FXR1: variants seen among roughly 807,000 people sequenced by gnomAD.
FXR1 encodes the protein RNA-binding protein FXR1.
Under a neutral mutation model 84.0 loss-of-function variants are expected in FXR1, and 15 were observed. The ratio of observed to expected loss-of-function variants is 0.18; its 90% confidence interval spans 0.12 to 0.27. FXR1 has a LOEUF of 0.27. Ranked by LOEUF, FXR1 falls within the 10% of genes least tolerant of loss-of-function variation. The pLI, the probability that FXR1 is intolerant of heterozygous loss-of-function variation, is 1.00. For synonymous variants in FXR1, 245 were observed against 250.7 expected (o/e 0.98, Z 0.21); for missense variants, 480 against 774.4 (o/e 0.62, Z 4.51).
At position 180,970,070 on chromosome 3, in the gene FXR1, T is replaced by A. The variant is rs556792426; in HGVS notation, c.1403-88T>A. ...TTTTATTGGGGGAGACTGAAGTTTA[T>A]TTGTCATTGATATAGTTCAATATAG... is the stretch of plus-strand genomic sequence containing the variant. On this transcript the variant is annotated intron_variant, in intron 14 of 16. Transcript: ENST00000357559. 67 of 620,586 alleles carry A rather than the reference T, an allele frequency of 1.1e-4. No homozygotes were observed. The South Asian group carries it at 1.3e-3, about 12-fold the overall frequency. The allele number at this position is 620,586 out of a possible 1,614,324, so 38.4% of individuals were successfully genotyped here.
chr3:180,915,649 T>C, intron 1 of FXR1: 1 of 714,230 alleles, frequency 1.4e-6, no homozygotes, highest in Non-Finnish European at 2.5e-6. Flanking sequence ...GAATTTCCCT[T>C]TTTTCCCCTC....
chr3:180,947,121 C>G (rs1721779524), intron 3 of FXR1, among the ~76,000 whole-genome samples: 2 of 152,010 alleles, frequency 1.3e-5, no homozygotes, highest in South Asian at 2.1e-4. Context: ...GGTGTGATCT[C>G]TGCTCACTGC....
Position 180,912,676 on chromosome 3 carries a change from C to T in FXR1, c.-10C>T, listed in dbSNP as rs1260115101. The T allele has an allele frequency of 3.7e-6, 6 of 1,611,936 alleles. No homozygotes were observed. The East Asian group carries it at 1.1e-4, about 30-fold the overall frequency. On this transcript the variant is annotated 5_prime_UTR_variant, in exon 1 of 17. Coordinates refer to ENST00000357559, the MANE Select transcript of FXR1 (RefSeq NM_005087.4). ...TAGAATCTCTTCCCAGCGGCCTTTG[C>T]GGTTCCAACATGGCGGAGCTGACGG... is the stretch of plus-strand genomic sequence containing the variant.
At chr3:180,959,335 A>G (rs1316375376) in intron 10 of FXR1, among the ~76,000 whole-genome samples, 1 of 149,612 alleles carries the variant, frequency 6.7e-6, no homozygotes, top group African/African-American at 2.4e-5. Flanking sequence ...TGAGTTTTTT[A>G]TGAGAATGTT....
intron 10 of FXR1, 32 bp downstream of exon 10, chr3:180,957,960 A>C (rs752094655): frequency 6.0e-6 from 6 of 999,692 alleles, no homozygotes; most frequent in Non-Finnish European, 9.2e-6. Flanking sequence ...TGCCTCTTTA[A>C]AATGTCCTTT....
chr3:180,933,767 A>G (rs977931900), intron 2 of FXR1, among the ~76,000 whole-genome samples: 1 of 152,152 alleles, frequency 6.6e-6, no homozygotes, highest in Admixed American at 6.5e-5. Flanking sequence ...AGGGGTATGC[A>G]GTCTAAAAAT....
In FXR1 at chr3:180,978,071, C is replaced by A. The variant is rs186780056; in HGVS notation, c.*1779C>A. The A allele has an allele frequency of 1.8e-3, 267 of 150,770 alleles. 1 individual carries two copies. Among genetic ancestry groups the A allele is most frequent in the African/African-American group, 6.3e-3 (258 of 41,120 alleles). 9.3% of individuals were successfully genotyped at this position (150,770 alleles called of 1,614,324 possible). A position where few individuals can be genotyped will look rare whatever the true frequency, so the allele number is the denominator to read the frequency against. On this transcript the variant is annotated 3_prime_UTR_variant, in exon 17 of 17. Transcript: ENST00000357559. The stretch of plus-strand genomic sequence containing the variant: ...TACCCACAAATGTGTTTTTTTAAAT[C>A]GATCAAAGCTAGCAACAGGTTAAAT...
chr3:180,917,178 T>C (rs1717999873), intron 1 of FXR1, among the ~76,000 whole-genome samples: 1 of 152,224 alleles, frequency 6.6e-6, no homozygotes, highest in East Asian at 1.9e-4. Flanking sequence ...ACCGTGTAAC[T>C]GTCTACAAAA....
At chr3:180,940,673 T>A (rs1167829283) in intron 3 of FXR1, among the ~76,000 whole-genome samples, 3 of 151,182 alleles carry the variant, frequency 2.0e-5, no homozygotes, top group African/African-American at 7.3e-5. Context: ...GCCTCCTGGG[T>A]TCAAGTGATT....
At chr3:180,972,399 T>A (rs1455536823) in intron 15 of FXR1, among the ~76,000 whole-genome samples, 2 of 152,164 alleles carry the variant, frequency 1.3e-5, no homozygotes, top group African/African-American at 4.8e-5. Flanking sequence ...GAGGCCGCAG[T>A]GAAGGGTGAT....
rs138323510 is a variant in FXR1, at chr3:180,976,441, AG to A, written c.*150del. Reference sequence around the variant, plus strand: ...AATTCAAAAAGGGGAGGGATCCTGAAGAAATCATATGTTAAACATACTTTGA... The same window carrying A: ...AATTCAAAAAGGGGAGGGATCCTGAAAAATCATATGTTAAACATACTTTGA... On this transcript the variant is annotated 3_prime_UTR_variant, in exon 17 of 17. Coordinates refer to ENST00000357559, the MANE Select transcript of FXR1 (RefSeq NM_005087.4). 3.5e-3 allele frequency: 1,948 copies of A among 550,170 alleles called. 38 individuals are homozygous for A. The highest frequency in any genetic ancestry group is 0.034 in the African/African-American group (1,766 of 51,786). The allele number at this position is 550,170 out of a possible 1,614,324, so 34.1% of individuals were successfully genotyped here. A position where few individuals can be genotyped will look rare whatever the true frequency, so the allele number is the denominator to read the frequency against.
At chr3:180,924,782 G>A (rs766964529) in intron 1 of FXR1, among the ~76,000 whole-genome samples, 2 of 152,056 alleles carry the variant, frequency 1.3e-5, no homozygotes, top group Non-Finnish European at 2.9e-5. Context: ...GTGAGCCACC[G>A]TGCCTGGCCT....
At chr3:180,952,828 CTTTTTTTTT>C (rs371547296) in intron 8 of FXR1, among the ~76,000 whole-genome samples, 1 of 121,502 alleles carries the variant, frequency 8.2e-6, no homozygotes, top group Non-Finnish European at 1.8e-5. Context: ...ATTTTATTTG[CTTTTTTTTT>C]TTTTTTTTTT....
At chr3:180,971,568 G>C (rs1713589355) in intron 15 of FXR1, 1 of 152,270 alleles carries the variant, frequency 6.6e-6, no homozygotes, top group Non-Finnish European at 1.5e-5. Flanking sequence ...TCATTTTTGT[G>C]GGAGTTGTAA....
At chr3:180,937,148 A>G (rs1720614694) in intron 3 of FXR1, among the ~76,000 whole-genome samples, 1 of 152,214 alleles carries the variant, frequency 6.6e-6, no homozygotes, top group African/African-American at 2.4e-5. Flanking sequence ...TCATTTTTCA[A>G]AATTTATTTC....
chr3:180,948,170 G>A, intron 4 of FXR1, 177 bp from the exon 5 acceptor site: 1 of 623,526 alleles, frequency 1.6e-6, no homozygotes. Context: ...GTTCATGCTT[G>A]TAAGAACCTA....
At chr3:180,924,105 T>C (rs1393388942) in intron 1 of FXR1, among the ~76,000 whole-genome samples, 1 of 152,126 alleles carries the variant, frequency 6.6e-6, no homozygotes. Flanking sequence ...ACTTCAGGTG[T>C]GTACCACCAT....
intron 9 of FXR1, among the ~76,000 whole-genome samples, chr3:180,956,112 G>A (rs921474701): frequency 6.6e-6 from 1 of 152,168 alleles, no homozygotes; most frequent in Non-Finnish European, 1.5e-5. Context: ...GATTAAAAGG[G>A]AATGAGAACA....
chr3:180,971,186 G>T, intron 15 of FXR1: 1 of 866,768 alleles, frequency 1.2e-6, no homozygotes, highest in Non-Finnish European at 1.5e-6. Flanking sequence ...GACACCATCA[G>T]GTCACAAGCA....
Sources: allele counts gnomAD v4.1 joint callset (sites outside exome capture counted in the v4.1 genomes callset), GRCh38; gene constraint gnomAD v4.1.1; transcripts MANE v1.5; gene names NCBI Gene and HGNC (gene_info 2026-07-23, HGNC 2026-07-21).